PDLIM5: variants seen among roughly 807,000 people sequenced by gnomAD.
PDLIM5 encodes the protein PDZ and LIM domain protein 5.
A neutral mutation model predicts 64.2 loss-of-function variants in PDLIM5; 34 were observed. The observed-to-expected ratio is 0.53, with a 90% CI of 0.40 to 0.71. The LOEUF (loss-of-function observed/expected upper bound fraction) is 0.71, where lower values mean the gene tolerates loss of function less well. PDLIM5 is among the 30% of genes least tolerant of loss of function. PDLIM5 has a pLI of 0.00. For missense variants in PDLIM5, 683 were observed against 733.6 expected, an observed-to-expected ratio of 0.93 and a Z score of 0.80; for synonymous variants, 253 against 269.1, an observed-to-expected ratio of 0.94 and a Z score of 0.59.
At chr4:94,582,034 T>C (rs142453162) in intron 5 of PDLIM5, among the ~76,000 whole-genome samples, 1 of 152,214 alleles carries the variant, frequency 6.6e-6, no homozygotes, top group East Asian at 1.9e-4. Flanking sequence ...CAGGAGAGAG[T>C]AAGAAAATTG....
chr4:94,546,905 G>C (rs1352442007), intron 3 of PDLIM5, among the ~76,000 whole-genome samples: 1 of 151,288 alleles, frequency 6.6e-6, no homozygotes, highest in Non-Finnish European at 1.5e-5. Flanking sequence ...TTATTTTGTG[G>C]TTATATTAAT....
chr4:94,472,042 A>G (rs1724920796), intron 2 of PDLIM5, among the ~76,000 whole-genome samples: 3 of 152,146 alleles, frequency 2.0e-5, no homozygotes, highest in African/African-American at 7.2e-5. Context: ...TATTGAAATA[A>G]TATTTCTAGA....
At chr4:94,570,245 C>T (rs1734693181) in intron 3 of PDLIM5, among the ~76,000 whole-genome samples, 1 of 152,182 alleles carries the variant, frequency 6.6e-6, no homozygotes, top group Non-Finnish European at 1.5e-5. Flanking sequence ...CTGGTACTCA[C>T]ATGGGCTAAA....
chr4:94,460,320 T>A (rs538378578), intron 2 of PDLIM5, among the ~76,000 whole-genome samples: 1 of 152,232 alleles, frequency 6.6e-6, no homozygotes. Flanking sequence ...ATTTTTTAAT[T>A]GAAAATTAGT....
chr4:94,571,805 T>C (rs1345019039), intron 3 of PDLIM5, among the ~76,000 whole-genome samples: 1 of 152,238 alleles, frequency 6.6e-6, no homozygotes, highest in Non-Finnish European at 1.5e-5. Flanking sequence ...CCTTATTCAC[T>C]GGAATCCACT....
At position 94,535,531 on chromosome 4, in the gene PDLIM5, T is replaced by C. The variant is rs563390858; in HGVS notation, c.248+11656T>C. Among the ~76,000 whole-genome samples, 25 of 152,270 alleles carry C rather than the reference T, an allele frequency of 1.6e-4. 1 individual carries two copies. In the South Asian group the frequency reaches 4.1e-3, roughly 25 times the overall value. ...CCATTATCCAGATCAAAAAGACGCC[T>C]TCCTTGCCTGAACCTCCCACTTTCA... On this transcript the variant is annotated intron_variant, in intron 3 of 12. Coordinates refer to ENST00000317968, the MANE Select transcript of PDLIM5 (RefSeq NM_006457.5).
intron 10 of PDLIM5, 94 bp from the exon 11 acceptor site, chr4:94,657,332 GC>G: frequency 1.2e-6 from 1 of 840,538 alleles, no homozygotes; most frequent in Non-Finnish European, 1.9e-6. Context: ...CTTTGGATTA[GC>G]TCTACAGGGA....
At chr4:94,475,876 A>G (rs1487783755) in intron 2 of PDLIM5, among the ~76,000 whole-genome samples, 1 of 152,124 alleles carries the variant, frequency 6.6e-6, no homozygotes, top group Non-Finnish European at 1.5e-5. Context: ...CAGATTTACC[A>G]GGACATAGCC....
chr4:94,502,484 C>T (rs1246159209), intron 2 of PDLIM5, among the ~76,000 whole-genome samples: 3 of 152,170 alleles, frequency 2.0e-5, no homozygotes, highest in Non-Finnish European at 2.9e-5. Context: ...TGATCTTTAG[C>T]TCTGTGACCT....
At chr4:94,510,497 G>A (rs1194105161) in intron 2 of PDLIM5, among the ~76,000 whole-genome samples, 1 of 152,006 alleles carries the variant, frequency 6.6e-6, no homozygotes, top group African/African-American at 2.4e-5. Context: ...TCCTGTTGCT[G>A]TGTATTAGAT....
chr4:94,530,189 A>G (rs1468115358), intron 3 of PDLIM5, among the ~76,000 whole-genome samples: 2 of 152,152 alleles, frequency 1.3e-5, no homozygotes, highest in Non-Finnish European at 2.9e-5. Flanking sequence ...GGTGATTTCT[A>G]AATTCCCTTT....
intron 7 of PDLIM5, among the ~76,000 whole-genome samples, chr4:94,601,018 G>A (rs1483317408): frequency 6.6e-6 from 1 of 152,180 alleles, no homozygotes; most frequent in African/African-American, 2.4e-5. Context: ...GAGTTATAAA[G>A]CCATAGTTTG....
intron 3 of PDLIM5, among the ~76,000 whole-genome samples, chr4:94,558,593 A>G (rs1733569249): frequency 6.6e-6 from 1 of 152,152 alleles, no homozygotes; most frequent in South Asian, 2.1e-4. Context: ...TTCTGCCTAT[A>G]CTTGTACTTC....
At chr4:94,481,186 G>A (rs1388026984) in intron 2 of PDLIM5, among the ~76,000 whole-genome samples, 2 of 151,368 alleles carry the variant, frequency 1.3e-5, no homozygotes, top group Non-Finnish European at 2.9e-5. Flanking sequence ...CCTGTCATTT[G>A]CTTTTTCTAA....
intron 10 of PDLIM5, among the ~76,000 whole-genome samples, chr4:94,655,032 TA>T (rs1742105915): frequency 6.6e-6 from 1 of 152,190 alleles, no homozygotes; most frequent in African/African-American, 2.4e-5. Flanking sequence ...ATAGCTTTTA[TA>T]AGAGCAGTAT....
intron 2 of PDLIM5, among the ~76,000 whole-genome samples, chr4:94,483,931 T>C (rs568407461): frequency 1.3e-5 from 2 of 152,340 alleles, no homozygotes; most frequent in South Asian, 4.1e-4. Context: ...TACACTGATT[T>C]AATATTAATG....
At chr4:94,502,686 G>C (rs1728034212) in intron 2 of PDLIM5, among the ~76,000 whole-genome samples, 1 of 152,160 alleles carries the variant, frequency 6.6e-6, no homozygotes, top group Non-Finnish European at 1.5e-5. Context: ...AGACCAGCCT[G>C]ACCAGCATGG....
chr4:94,593,003 C>T (rs1313861676), intron 7 of PDLIM5, among the ~76,000 whole-genome samples: 2 of 152,092 alleles, frequency 1.3e-5, no homozygotes, highest in Non-Finnish European at 2.9e-5. Context: ...AATTTTGTCA[C>T]CTCTGAACTT....
chr4:94,634,878 C>A (rs1001905323), intron 8 of PDLIM5, among the ~76,000 whole-genome samples: 10 of 152,154 alleles, frequency 6.6e-5, no homozygotes, highest in Non-Finnish European at 1.5e-4. Flanking sequence ...GAAACTCTAG[C>A]AACTCTGTAT....
Sources: gnomAD v4.1 joint callset for allele counts (sites outside exome capture counted in the v4.1 genomes callset) on GRCh38, gnomAD v4.1.1 for gene constraint, MANE v1.5 for transcripts, NCBI Gene and HGNC (gene_info 2026-07-23, HGNC 2026-07-21) for gene names.